Variants in PIK3C2G observed in about 807,000 individuals in gnomAD.
The protein encoded by PIK3C2G is phosphatidylinositol-4-phosphate 3-kinase catalytic subunit type 2 gamma.
A neutral mutation model predicts 181.1 loss-of-function variants in PIK3C2G; 168 were observed. The ratio of observed to expected loss-of-function variants is 0.93; its 90% CI spans 0.82 to 1.05. The LOEUF (loss-of-function observed/expected upper bound fraction) is 1.05. PIK3C2G is among the 50% of genes least tolerant of loss of function. The pLI is 0.00. For synonymous variants in PIK3C2G, 573 were observed against 592.2 expected (o/e 0.97, Z 0.47); for missense variants, 1,869 against 1,732.8 (o/e 1.08, Z -1.40).
At chr12:18,352,124 A>G (rs1191391358) in intron 11 of PIK3C2G, among the ~76,000 whole-genome samples, 1 of 152,178 alleles carries the variant, frequency 6.6e-6, no homozygotes, top group Non-Finnish European at 1.5e-5. Flanking sequence ...ACAGAGGACC[A>G]ACTCTGTTTT....
chr12:18,380,740 A>G (rs1308428269), intron 13 of PIK3C2G, among the ~76,000 whole-genome samples: 1 of 152,350 alleles, frequency 6.6e-6, no homozygotes, highest in Non-Finnish European at 1.5e-5. Context: ...CTCTAGGCAG[A>G]TATGTGCTGA....
At chr12:18,462,864 C>G (rs1482058140) in intron 18 of PIK3C2G, among the ~76,000 whole-genome samples, 1 of 152,024 alleles carries the variant, frequency 6.6e-6, no homozygotes, top group African/African-American at 2.4e-5. Flanking sequence ...AATCTACTCT[C>G]TTTATTAGTA....
chr12:18,257,267 G>T (rs1014788632), upstream of PIK3C2G, among the ~76,000 whole-genome samples: 1 of 152,142 alleles, frequency 6.6e-6, no homozygotes, highest in Non-Finnish European at 1.5e-5. Context: ...AAGATACGGG[G>T]TGACAATTCT....
chr12:18,390,120 T>C (rs1294614162), intron 14 of PIK3C2G, among the ~76,000 whole-genome samples: 1 of 152,196 alleles, frequency 6.6e-6, no homozygotes, highest in African/African-American at 2.4e-5. Flanking sequence ...GTAATTGATA[T>C]ATTGTAACAC....
intron 11 of PIK3C2G, among the ~76,000 whole-genome samples, chr12:18,358,034 C>G (rs1337548771): frequency 6.6e-6 from 1 of 152,214 alleles, no homozygotes; most frequent in Non-Finnish European, 1.5e-5. Flanking sequence ...ATCATGGCTA[C>G]TGTGAACAAT....
intron 31 of PIK3C2G, among the ~76,000 whole-genome samples, chr12:18,636,602 A>T (rs747634282): frequency 6.6e-6 from 1 of 152,078 alleles, no homozygotes; most frequent in African/African-American, 2.4e-5. Context: ...GTATCAGGAG[A>T]TGTGTTAATT....
At chr12:18,279,835 T>A (rs1591813386) in intron 1 of PIK3C2G, among the ~76,000 whole-genome samples, 1 of 152,068 alleles carries the variant, frequency 6.6e-6, no homozygotes, top group African/African-American at 2.4e-5. Context: ...TAACACTTTA[T>A]ACACCATTTA....
chr12:18,507,860 A>G (rs1026584087), intron 24 of PIK3C2G, among the ~76,000 whole-genome samples: 1 of 152,230 alleles, frequency 6.6e-6, no homozygotes. Context: ...TGGTAAGTTC[A>G]TATACCACGG....
At chr12:18,491,347 C>T (rs1193349648) in intron 19 of PIK3C2G, 104 bp from the exon 20 acceptor site, 1 of 651,628 alleles carries the variant, frequency 1.5e-6, no homozygotes, top group Non-Finnish European at 2.7e-6. Flanking sequence ...GTGTGTAACC[C>T]TGAATTCAAG....
intron 32 of PIK3C2G, among the ~76,000 whole-genome samples, chr12:18,640,813 A>G (rs373314175): frequency 1.3e-5 from 2 of 152,174 alleles, no homozygotes; most frequent in African/African-American, 2.4e-5. Flanking sequence ...CTTGTTTTGC[A>G]TACTAACTTT....
intron 29 of PIK3C2G, among the ~76,000 whole-genome samples, chr12:18,583,133 C>T (rs1278025438): frequency 6.6e-6 from 1 of 152,110 alleles, no homozygotes; most frequent in African/African-American, 2.4e-5. Flanking sequence ...GGCAGAATCT[C>T]CTGACTGAGG....
Position 18,482,434 on chromosome 12 carries a change from C to G in PIK3C2G, c.2505-6015C>G, listed in dbSNP as rs1017184242. Among the ~76,000 whole-genome samples, 75 of 152,022 alleles carry G rather than the reference C, an allele frequency of 4.9e-4. 1 individual carries two copies. Among genetic ancestry groups the G allele is most frequent in the Non-Finnish European group, 1.0e-4 (7 of 68,006 alleles). ...ACCTTGGGGTTACCATGGGTGAGTTCTTTGGGAAGCCTTGGAGAACCTCCC... is the reference window on the plus strand; with the variant it reads ...ACCTTGGGGTTACCATGGGTGAGTTGTTTGGGAAGCCTTGGAGAACCTCCC... On this transcript the variant is annotated intron_variant, in intron 18 of 32. Coordinates refer to ENST00000538779, the MANE Select transcript of PIK3C2G (RefSeq NM_001288772.2).
intron 30 of PIK3C2G, chr12:18,607,296 A>G (rs188424248): frequency 3.2e-4 from 129 of 404,284 alleles, no homozygotes; most frequent in African/African-American, 2.4e-3. Flanking sequence ...CATACGAATG[A>G]AAGTATAGAA....
At chr12:18,390,231 T>C (rs901419477) in intron 14 of PIK3C2G, among the ~76,000 whole-genome samples, 3 of 152,162 alleles carry the variant, frequency 2.0e-5, no homozygotes, top group Admixed American at 6.5e-5. Flanking sequence ...TATTAAACTG[T>C]ATTTCAAACT....
intron 30 of PIK3C2G, among the ~76,000 whole-genome samples, chr12:18,595,835 G>A (rs1947331788): frequency 6.6e-6 from 1 of 152,134 alleles, no homozygotes. Context: ...CACCAATTAT[G>A]TAGCTGGTCT....
In PIK3C2G at chr12:18,312,803, T is replaced by A. The variant is rs530649914; in HGVS notation, c.1035-1159T>A. On this transcript the variant is annotated intron_variant, in intron 5 of 32. Transcript: ENST00000538779. ...GGCTAGCAGATAGGTACTAAGTTTTTTAAGTATTAAAAACAACGTTAAAAT... is the reference window on the plus strand; with the variant it reads ...GGCTAGCAGATAGGTACTAAGTTTTATAAGTATTAAAAACAACGTTAAAAT... Among the ~76,000 whole-genome samples, 21 of 152,186 alleles carry A rather than the reference T, an allele frequency of 1.4e-4. No individual in the cohort carries two copies. The East Asian group carries it at 2.1e-3, about 15-fold the overall frequency.
At chr12:18,280,878 A>C (rs77326989) in intron 1 of PIK3C2G, among the ~76,000 whole-genome samples, 2,046 of 152,130 alleles carry the variant, frequency 0.013, 19 homozygotes, top group South Asian at 0.048. Flanking sequence ...AGATAGATTT[A>C]AGATATATTT....
chr12:18,576,201 C>A (rs908931840), intron 29 of PIK3C2G, among the ~76,000 whole-genome samples: 4 of 152,110 alleles, frequency 2.6e-5, no homozygotes, highest in Non-Finnish European at 5.9e-5. Context: ...TAATATTTTC[C>A]TTCACTTCAG....
chr12:18,503,202 C>T (rs1434518668), intron 22 of PIK3C2G, 79 bp from the exon 23 acceptor site: 1 of 1,038,058 alleles, frequency 9.6e-7, no homozygotes, highest in African/African-American at 1.6e-5. Flanking sequence ...GTGCTGGAAG[C>T]TATTGTTGTT....
Sources: allele counts gnomAD v4.1 joint callset (sites outside exome capture counted in the v4.1 genomes callset), GRCh38; gene constraint gnomAD v4.1.1; transcripts MANE v1.5; gene names NCBI Gene and HGNC (gene_info 2026-07-23, HGNC 2026-07-21).